DACH2: variants seen among roughly 807,000 people sequenced by gnomAD.
DACH2 encodes the protein dachshund homolog 2.
A neutral mutation model predicts 35.8 loss-of-function variants in DACH2; 17 were observed. The ratio of observed to expected loss-of-function variants is 0.48; its 90% confidence interval spans 0.33 to 0.71. DACH2 has a LOEUF of 0.71. Among genes scored for constraint, DACH2 ranks in the 30% least tolerant of loss-of-function variants. The probability of loss-of-function intolerance (pLI) is 0.02; values close to 1 mark genes in which losing one functional copy is unlikely to be tolerated. For synonymous variants in DACH2, 195 were observed against 177.3 expected, an observed-to-expected ratio of 1.10 and a Z score of -0.79; for missense variants, 469 against 472.7, an observed-to-expected ratio of 0.99 and a Z score of 0.07.
intron 2 of DACH2, among the ~76,000 whole-genome samples, chrX:86,406,938 G>A (rs1029615048): frequency 6.3e-5 from 7 of 111,832 alleles, no homozygotes; most frequent in African/African-American, 2.3e-4. Context: ...AATGAAAATG[G>A]GAGGGAAAAT....
At chrX:86,553,297 A>G (rs1171144174) in intron 3 of DACH2, among the ~76,000 whole-genome samples, 1 of 111,484 alleles carries the variant, frequency 9.0e-6, no homozygotes, top group Non-Finnish European at 1.9e-5. Context: ...TGGGAGAAAG[A>G]TGAAGGCCGG....
At chrX:86,303,129 C>T (rs910556998) in intron 1 of DACH2, among the ~76,000 whole-genome samples, 6 of 103,967 alleles carry the variant, frequency 5.8e-5, no homozygotes, top group African/African-American at 2.1e-4. Flanking sequence ...GTTCTTAAAC[C>T]ACTAAGGATA....
intron 2 of DACH2, among the ~76,000 whole-genome samples, chrX:86,406,706 C>T (rs2036532673): frequency 8.9e-6 from 1 of 111,929 alleles, no homozygotes; most frequent in African/African-American, 3.2e-5. Context: ...CTACAGCAAG[C>T]TTTGAACTGA....
chrX:86,491,530 C>T (rs2038092616), intron 2 of DACH2, among the ~76,000 whole-genome samples: 1 of 111,752 alleles, frequency 8.9e-6, no homozygotes, highest in African/African-American at 3.2e-5. Flanking sequence ...TTAAGGCAGA[C>T]AAATATTTTC....
chrX:86,217,973 T>C (rs968706891), intron 1 of DACH2, among the ~76,000 whole-genome samples: 1 of 111,793 alleles, frequency 8.9e-6, no homozygotes, highest in African/African-American at 3.3e-5. Context: ...CTGTATTACA[T>C]GTTGGGATTC....
At chrX:86,331,930 T>C (rs1202948640) in intron 1 of DACH2, among the ~76,000 whole-genome samples, 1 of 111,205 alleles carries the variant, frequency 9.0e-6, no homozygotes, top group East Asian at 2.8e-4. Context: ...AAAAGTTGAA[T>C]TATATTTCCT....
intron 3 of DACH2, among the ~76,000 whole-genome samples, chrX:86,526,198 T>C (rs995884): frequency 0.14 from 15,542 of 111,098 alleles, 955 homozygotes; most frequent in East Asian, 0.24. Flanking sequence ...ATACATTTTA[T>C]CAATCATCCA....
chrX:86,197,082 C>A (rs1050421384), intron 1 of DACH2, among the ~76,000 whole-genome samples: 1 of 111,904 alleles, frequency 8.9e-6, no homozygotes, highest in Non-Finnish European at 1.9e-5. Context: ...AACCGACAAA[C>A]CAGAAGAGAT....
intron 4 of DACH2, among the ~76,000 whole-genome samples, chrX:86,661,545 C>A (rs2040605218): frequency 8.9e-6 from 1 of 112,368 alleles, no homozygotes; most frequent in African/African-American, 3.2e-5. Flanking sequence ...GAATGAGATT[C>A]CGTTTATGAA....
At chrX:86,459,250 T>A (rs2037527204) in intron 2 of DACH2, among the ~76,000 whole-genome samples, 1 of 111,514 alleles carries the variant, frequency 9.0e-6, no homozygotes, top group South Asian at 3.8e-4. Context: ...TAAGCCTAAG[T>A]TGTGCATTGG....
intron 6 of DACH2, among the ~76,000 whole-genome samples, chrX:86,737,227 C>A (rs2041605926): frequency 9.0e-6 from 1 of 111,131 alleles, no homozygotes; most frequent in Non-Finnish European, 1.9e-5. Context: ...AAACTTGATT[C>A]TTTTCTTCTG....
At chrX:86,659,944 T>C (rs1010042591) in intron 4 of DACH2, among the ~76,000 whole-genome samples, 2 of 111,271 alleles carry the variant, frequency 1.8e-5, no homozygotes, top group African/African-American at 6.5e-5. Context: ...ACAGAATCTT[T>C]CACTTAGTGA....
chrX:86,827,959 G>T (rs1357325018), intron 11 of DACH2: 2 of 456,092 alleles, frequency 4.4e-6, no homozygotes, highest in Admixed American at 4.1e-5. Context: ...CTAGAGAATG[G>T]GTTTCACAGG....
intron 9 of DACH2, among the ~76,000 whole-genome samples, chrX:86,814,108 C>G (rs1263747231): frequency 9.0e-6 from 1 of 111,039 alleles, no homozygotes; most frequent in East Asian, 2.8e-4. Context: ...TATGCACATA[C>G]AGAGAAAGAG....
intron 4 of DACH2, among the ~76,000 whole-genome samples, chrX:86,653,164 C>G (rs1265925404): frequency 8.9e-6 from 1 of 111,943 alleles, no homozygotes; most frequent in East Asian, 2.8e-4. Context: ...AGCCAGTTAT[C>G]CCAGCACCAT....
intron 6 of DACH2, among the ~76,000 whole-genome samples, chrX:86,737,843 C>G (rs921438652): frequency 8.1e-5 from 9 of 111,789 alleles, no homozygotes; most frequent in Non-Finnish European, 7.5e-5. Flanking sequence ...GTTTAGGATA[C>G]TAATGATCCT....
chrX:86,239,632 G>C (rs1025752707), intron 1 of DACH2, among the ~76,000 whole-genome samples: 8 of 111,779 alleles, frequency 7.2e-5, no homozygotes, highest in African/African-American at 2.6e-4. Flanking sequence ...TCTAATTTAG[G>C]TTATTTTAAA....
intron 1 of DACH2, among the ~76,000 whole-genome samples, chrX:86,301,065 A>C (rs1284965744): frequency 3.6e-5 from 4 of 112,008 alleles, no homozygotes; most frequent in South Asian, 3.6e-4. Flanking sequence ...TTTGTGACCT[A>C]TATTGCCCTT....
chrX:86,206,159 C>T (rs1417212263), intron 1 of DACH2, among the ~76,000 whole-genome samples: 2 of 110,889 alleles, frequency 1.8e-5, no homozygotes, highest in Non-Finnish European at 3.8e-5. Flanking sequence ...GGAAGTTGTC[C>T]CTGATGAACT....
Sources: allele counts gnomAD v4.1 joint callset (sites outside exome capture counted in the v4.1 genomes callset), GRCh38; gene constraint gnomAD v4.1.1; transcripts MANE v1.5; gene names NCBI Gene and HGNC (gene_info 2026-07-23, HGNC 2026-07-21).